The following RGS3 variants were observed in gnomAD, a reference collection of about 807,000 sequenced individuals.
RGS3 encodes the protein regulator of G protein signaling 3, also known as regulator of G-protein signalling 3.
In RGS3, 80 loss-of-function variants were observed where a neutral mutation model predicts 132.6. The observed-to-expected ratio is 0.60, with a 90% confidence interval of 0.50 to 0.73. RGS3 has a LOEUF of 0.73. RGS3 is among the 30% of genes least tolerant of loss of function. The pLI is 0.00. For missense variants in RGS3, 1,382 were observed against 1,530.8 expected (o/e 0.90, Z 1.62); for synonymous variants, 598 against 620.6 (o/e 0.96, Z 0.54).
chr9:113,511,842 G>C (rs1831419448), intron 14 of RGS3, among the ~76,000 whole-genome samples: 1 of 152,034 alleles, frequency 6.6e-6, no homozygotes, highest in South Asian at 2.1e-4. Flanking sequence ...CTTCTCTGCT[G>C]TAGGCTTAAC....
At chr9:113,529,500 A>G (rs903927054) in intron 18 of RGS3, among the ~76,000 whole-genome samples, 2 of 152,232 alleles carry the variant, frequency 1.3e-5, no homozygotes, top group Non-Finnish European at 2.9e-5. Context: ...TGCTTAGAAC[A>G]GACCCTTGAG....
At chr9:113,516,426 C>T (rs1403922405) in intron 15 of RGS3, among the ~76,000 whole-genome samples, 2 of 151,516 alleles carry the variant, frequency 1.3e-5, no homozygotes, top group African/African-American at 4.9e-5. Flanking sequence ...GGTGCGATCT[C>T]GGCTCACTGC....
chr9:113,469,252 A>G (rs1829749487), intron 3 of RGS3, among the ~76,000 whole-genome samples: 1 of 152,010 alleles, frequency 6.6e-6, no homozygotes, highest in African/African-American at 2.4e-5. Context: ...GGAGGCCTTC[A>G]ATGTGTCCCT....
At chr9:113,553,785 A>G (rs889055369) in intron 19 of RGS3, among the ~76,000 whole-genome samples, 8 of 151,530 alleles carry the variant, frequency 5.3e-5, no homozygotes, top group African/African-American at 1.9e-4. Context: ...GGAGGTTGCA[A>G]TGAGCCGAGA....
chr9:113,508,416 T>C, intron 13 of RGS3, 125 bp from the exon 12 acceptor site: 2 of 877,386 alleles, frequency 2.3e-6, no homozygotes, highest in Non-Finnish European at 3.7e-6. Context: ...CCAGAACTGC[T>C]GTTTTTCTCT....
chr9:113,520,078 A>C (rs955632080), intron 16 of RGS3, among the ~76,000 whole-genome samples: 4 of 152,184 alleles, frequency 2.6e-5, no homozygotes, highest in African/African-American at 9.7e-5. Flanking sequence ...GGGAGAAGCC[A>C]CCCTCCAAGT....
At chr9:113,561,634 C>G (rs75256609) in intron 19 of RGS3, among the ~76,000 whole-genome samples, 1,769 of 148,568 alleles carry the variant, frequency 0.012, 66 homozygotes, top group East Asian at 0.12. Flanking sequence ...GTTGCCCAGG[C>G]TGGTCTTGAC....
chr9:113,502,690 G>A (rs1224812544), intron 10 of RGS3, among the ~76,000 whole-genome samples: 3 of 152,226 alleles, frequency 2.0e-5, no homozygotes, highest in African/African-American at 7.2e-5. Flanking sequence ...GACTGGGCAT[G>A]CTGGCTGTCA....
chr9:113,456,478 C>T (rs572965080), upstream of RGS3, among the ~76,000 whole-genome samples: 1 of 152,264 alleles, frequency 6.6e-6, no homozygotes, highest in African/African-American at 2.4e-5. Flanking sequence ...CCTTGCATTC[C>T]ATCTTCTACT....
chr9:113,536,771 G>A (rs1209932523), intron 18 of RGS3, 25 bp from the exon 17 acceptor site: 10 of 1,611,078 alleles, frequency 6.2e-6, no homozygotes, highest in South Asian at 2.2e-5. Context: ...CTGACCGTCC[G>A]TTTCTCTATT....
chr9:113,594,317 A>G (rs770668971), intron 21 of RGS3, 113 bp from the exon 20 acceptor site: 1 of 1,592,600 alleles, frequency 6.3e-7, no homozygotes, highest in Admixed American at 1.7e-5. Flanking sequence ...GGGAACCTGC[A>G]GAGGCGACAC....
intron 19 of RGS3, 107 bp from the exon 18 acceptor site, chr9:113,583,343 G>A (rs1321541080): frequency 1.4e-6 from 2 of 1,471,134 alleles, no homozygotes; most frequent in East Asian, 2.5e-5. Flanking sequence ...TCAGACTGGG[G>A]GCCCGGGGTT....
chr9:113,515,793 G>T (rs1249430975), intron 15 of RGS3, among the ~76,000 whole-genome samples: 2 of 152,094 alleles, frequency 1.3e-5, no homozygotes, highest in African/African-American at 4.8e-5. Context: ...AAGGAAAATT[G>T]TAGCATGAAC....
intron 19 of RGS3, among the ~76,000 whole-genome samples, chr9:113,549,849 T>A (rs1833258514): frequency 6.6e-6 from 1 of 152,232 alleles, no homozygotes; most frequent in African/African-American, 2.4e-5. Flanking sequence ...ATCATTCAGG[T>A]TGCTTGCAAT....
chr9:113,513,895 G>A (rs1266795731), intron 14 of RGS3, among the ~76,000 whole-genome samples: 1 of 152,222 alleles, frequency 6.6e-6, no homozygotes, highest in African/African-American at 2.4e-5. Flanking sequence ...CACTGCTGCA[G>A]AGAGTGGATT....
intron 10 of RGS3, chr9:113,501,709 C>A: frequency 7.2e-7 from 1 of 1,396,976 alleles, no homozygotes; most frequent in Non-Finnish European, 9.8e-7. Context: ...AAGGATCTCG[C>A]TCCTCACAAG....
intron 19 of RGS3, chr9:113,564,999 G>A (rs993356462): frequency 4.0e-5 from 41 of 1,024,394 alleles, no homozygotes; most frequent in East Asian, 2.0e-4. Flanking sequence ...GCGGCTTTGC[G>A]CTGCCCCAGC....
At position 113,583,834 on chromosome 9, in the gene RGS3, A is replaced by AC; in HGVS notation, c.2425dup (p.Arg809ProfsTer12). The AC allele has an allele frequency of 1.9e-6, 3 of 1,613,432 alleles. No individual in the cohort carries two copies. The highest frequency in any genetic ancestry group is 2.5e-6 in the Non-Finnish European group (3 of 1,179,724). On this transcript the variant is annotated frameshift_variant, in exon 20 of 25. Coordinates refer to ENST00000350696, the Ensembl canonical transcript of RGS3. LOFTEE classifies it high-confidence loss of function. ...CCTCCCTGCCATCCAGGAATCCCCC[A>AC]CCCGGGACCTTCCACCCTGTCAAGA...
intron 4 of RGS3, among the ~76,000 whole-genome samples, chr9:113,480,948 C>A (rs1233732889): frequency 6.6e-6 from 1 of 152,236 alleles, no homozygotes; most frequent in African/African-American, 2.4e-5. Context: ...CTGACGGTAC[C>A]CTCCACCTCC....
Sources: gnomAD v4.1 joint callset for allele counts (sites outside exome capture counted in the v4.1 genomes callset) on GRCh38, gnomAD v4.1.1 for gene constraint, MANE v1.5 for transcripts, NCBI Gene and HGNC (gene_info 2026-07-23, HGNC 2026-07-21) for gene names.